Variants in BRIP1 observed in about 807,000 individuals in gnomAD.
BRIP1 encodes the protein Fanconi anemia group J protein.
In BRIP1, 88 loss-of-function variants were observed where a neutral mutation model predicts 119.7. The observed-to-expected ratio is 0.74, with a 90% confidence interval of 0.62 to 0.88. The LOEUF (loss-of-function observed/expected upper bound fraction) is 0.88. BRIP1 is among the 40% of genes least tolerant of loss of function. BRIP1 has a pLI of 0.00. For synonymous variants in BRIP1, 443 were observed against 496.5 expected (o/e 0.89, Z 1.43); for missense variants, 1,259 against 1,455.4 (o/e 0.87, Z 2.20).
rs891459831 is a variant in BRIP1, at chr17:61,845,973, A to G, written c.627+1128T>C. ...CAAGGTGGGCGGATCACGAGGTCAG[A>G]AGATCGAGACCATCCTGGCTAACGT... On this transcript the variant is annotated intron_variant, in intron 6 of 19. Coordinates refer to ENST00000259008, the MANE Select transcript of BRIP1 (RefSeq NM_032043.3). The surrounding 1 kb of genome is among the most constrained non-coding windows in gnomAD (Gnocchi z 4.2). Among the ~76,000 whole-genome samples the G allele has an allele frequency of 3.3e-5, 5 of 151,990 alleles. No individual in the cohort carries two copies. Among genetic ancestry groups the G allele is most frequent in the African/African-American group, 9.7e-5 (4 of 41,394 alleles).
rs531656835 is a variant in BRIP1, at chr17:61,683,012, GT to G, written c.*283del. The G allele has an allele frequency of 2.5e-3, 982 of 387,576 alleles. 4 individuals are homozygous for G. Among genetic ancestry groups the G allele is most frequent in the African/African-American group, 0.019 (920 of 48,296 alleles). 24.0% of individuals were successfully genotyped at this position (387,576 alleles called of 1,614,324 possible). On this transcript the variant is annotated 3_prime_UTR_variant, in exon 20 of 20. Coordinates refer to ENST00000259008, the MANE Select transcript of BRIP1 (RefSeq NM_032043.3). The surrounding 1 kb of genome is among the most constrained non-coding windows in gnomAD (Gnocchi z 4.7). ...CTGGGCATGGTGGTGCACACCTGTA[GT>G]CCCAGCTACTCAGAAGGCTGAGGCA...
chr17:61,787,702 T>TG (rs1158826303), intron 10 of BRIP1, among the ~76,000 whole-genome samples: 1 of 152,078 alleles, frequency 6.6e-6, no homozygotes, highest in African/African-American at 2.4e-5. Flanking sequence ...TGGACTGCAG[T>TG]GGCGCGATTT....
At position 61,699,958 on chromosome 17, in the gene BRIP1, T is replaced by C. The variant is rs1422033185; in HGVS notation, c.2493-6446A>G. On this transcript the variant is annotated intron_variant, in intron 17 of 19. Coordinates refer to ENST00000259008, the MANE Select transcript of BRIP1 (RefSeq NM_032043.3). This position sits in a 1 kb window ranked among gnomAD's most constrained non-coding sequence, Gnocchi z 4.8. ...CTCGGGGAAGTGTGTCCTGTGTAAC[T>C]GCACTGGGAGAGGACACTTGGAAGC... Among the ~76,000 whole-genome samples the C allele has an allele frequency of 6.6e-6, 1 of 152,170 alleles. No individual in the cohort carries two copies. The highest frequency in any genetic ancestry group is 1.5e-5 in the Non-Finnish European group (1 of 68,016).
Position 61,770,034 on chromosome 17 carries a change from G to A in BRIP1, c.2097+6367C>T, listed in dbSNP as rs977311010. ...GAAAAAAACAACCATTTTGAAATAC[G>A]TTCAACGCATTCTCTAAAACAATGG... is the stretch of plus-strand genomic sequence containing the variant. On this transcript the variant is annotated intron_variant, in intron 14 of 19. Coordinates refer to ENST00000259008, the MANE Select transcript of BRIP1 (RefSeq NM_032043.3). This position sits in a 1 kb window ranked among gnomAD's most constrained non-coding sequence, Gnocchi z 4.7. 5.3e-5 allele frequency among the ~76,000 whole-genome samples: 8 copies of A among 152,142 alleles called. No homozygotes were observed. Among genetic ancestry groups the A allele is most frequent in the African/African-American group, 9.7e-5 (4 of 41,438 alleles).
chr17:61,840,334 G>A (rs1254665753), intron 6 of BRIP1, among the ~76,000 whole-genome samples: 1 of 140,718 alleles, frequency 7.1e-6, no homozygotes, highest in Non-Finnish European at 1.5e-5. Flanking sequence ...TCCATCCTGG[G>A]TGACAGGGGA....
Position 61,798,765 on chromosome 17 carries a change from C to T in BRIP1, c.1340+335G>A, listed in dbSNP as rs2077940073. Among the ~76,000 whole-genome samples the T allele has an allele frequency of 6.6e-6, 1 of 151,988 alleles. No individual in the cohort carries two copies. The highest frequency in any genetic ancestry group is 2.4e-5 in the African/African-American group (1 of 41,406). ...GGAGAATAAAGCAATAAATTAAAGCCATGATCCAGAATTTTAAAATATATT... is the reference window on the plus strand; with the variant it reads ...GGAGAATAAAGCAATAAATTAAAGCTATGATCCAGAATTTTAAAATATATT... On this transcript the variant is annotated intron_variant, in intron 9 of 19. Transcript: ENST00000259008. The surrounding 1 kb of genome is among the most constrained non-coding windows in gnomAD (Gnocchi z 5.5).
chr17:61,814,925 C>T lies in BRIP1; in HGVS notation c.628-6168G>A, dbSNP rs907573392. Among the ~76,000 whole-genome samples, 1 of 151,730 alleles carries T rather than the reference C, an allele frequency of 6.6e-6. No homozygotes were observed. Among genetic ancestry groups the T allele is most frequent in the African/African-American group, 2.4e-5 (1 of 41,334 alleles). ...ATGCATCGACATCGATAAACATGAA[C>T]AAGCAGTTGAACAGGCTGAGTATGG... On this transcript the variant is annotated intron_variant, in intron 6 of 19. Transcript: ENST00000259008. This position sits in a 1 kb window ranked among gnomAD's most constrained non-coding sequence, Gnocchi z 4.9.
Position 61,806,376 on chromosome 17 carries a change from C to T in BRIP1, c.918+2091G>A, listed in dbSNP as rs531781644. 1.1e-4 allele frequency among the ~76,000 whole-genome samples: 17 copies of T among 152,156 alleles called. No homozygotes were observed. The highest frequency in any genetic ancestry group is 3.4e-4 in the African/African-American group (14 of 41,530). ...AAGAAAGAGGATGTTCATGTATGCC[C>T]GTGAGGTAAGCATTCTGAGGCAGAA... On this transcript the variant is annotated intron_variant, in intron 7 of 19. Transcript: ENST00000259008. The surrounding 1 kb of genome is among the most constrained non-coding windows in gnomAD (Gnocchi z 4.9).
chr17:61,854,957 T>C (rs1203693811), intron 4 of BRIP1, among the ~76,000 whole-genome samples: 1 of 152,092 alleles, frequency 6.6e-6, no homozygotes, highest in Non-Finnish European at 1.5e-5. Flanking sequence ...TATTAATACA[T>C]GCAACAACAT....
intron 16 of BRIP1, among the ~76,000 whole-genome samples, chr17:61,732,427 G>A (rs1006267508): frequency 6.6e-6 from 1 of 152,030 alleles, no homozygotes; most frequent in African/African-American, 2.4e-5. Context: ...TCCCTTTTAG[G>A]CAAGTTAGTC....
intron 6 of BRIP1, among the ~76,000 whole-genome samples, chr17:61,838,413 A>G (rs1303183535): frequency 6.6e-6 from 1 of 151,702 alleles, no homozygotes. Flanking sequence ...GGGTGTGGTG[A>G]CGGGCGCCTG....
Position 61,684,189 on chromosome 17 carries a change from A to G in BRIP1, c.2906-49T>C, listed in dbSNP as rs954577506. On this transcript the variant is annotated intron_variant, in intron 19 of 19. Coordinates refer to ENST00000259008, the MANE Select transcript of BRIP1 (RefSeq NM_032043.3). This position sits in a 1 kb window ranked among gnomAD's most constrained non-coding sequence, Gnocchi z 4.5. ...ATTTAACTTTCTGCTCCTAGCTAAC[A>G]TAATTGCTAGGTTAAAATAATTATT... 3.2e-6 allele frequency: 5 copies of G among 1,585,232 alleles called. No homozygotes were observed. The highest frequency in any genetic ancestry group is 2.3e-5 in the South Asian group (2 of 88,512).
rs2061723044 is a variant in BRIP1 at position 61,708,230 on chromosome 17, A to G, written c.2492+7721T>C. ...GTTACTCACGGTCAAATGTAGTCCA[A>G]AAATATTAAATGGAAAATTCCAGAA... On this transcript the variant is annotated intron_variant, in intron 17 of 19. Transcript: ENST00000259008. This position sits in a 1 kb window ranked among gnomAD's most constrained non-coding sequence, Gnocchi z 4.4. Among the ~76,000 whole-genome samples, 1 of 151,948 alleles carries G rather than the reference A, an allele frequency of 6.6e-6. No individual in the cohort carries two copies. Among genetic ancestry groups the G allele is most frequent in the Admixed American group, 6.6e-5 (1 of 15,230 alleles).
At chr17:61,854,395 T>C (rs186646202) in intron 4 of BRIP1, among the ~76,000 whole-genome samples, 9 of 152,168 alleles carry the variant, frequency 5.9e-5, no homozygotes, top group Admixed American at 2.0e-4. Flanking sequence ...GACCACTTCA[T>C]GAAACAGTTT....
At chr17:61,850,750 C>G (rs527837757) in intron 4 of BRIP1, among the ~76,000 whole-genome samples, 85 of 151,896 alleles carry the variant, frequency 5.6e-4, no homozygotes, top group African/African-American at 2.0e-3. Context: ...ATCTCTTGAA[C>G]CTGGGAGGCA....
In BRIP1 at chr17:61,808,404, A is replaced by T. The variant is rs2145408668; in HGVS notation, c.918+63T>A. ...TCACTAAAATGTACATATAAAACAC[A>T]TACTGAGTAATTTAAATATTTTCAG... On this transcript the variant is annotated intron_variant, in intron 7 of 19. Transcript: ENST00000259008. This position sits in a 1 kb window ranked among gnomAD's most constrained non-coding sequence, Gnocchi z 4.1. 1 of 1,490,986 alleles carries T rather than the reference A, an allele frequency of 6.7e-7. No individual in the cohort carries two copies. The allele number at this position is 1,490,986 out of a possible 1,614,324, so 92.4% of individuals were successfully genotyped here.
chr17:61,691,757 A>G lies in BRIP1; in HGVS notation c.2575+1673T>C, dbSNP rs1297541049. 6.6e-6 allele frequency among the ~76,000 whole-genome samples: 1 copy of G among 152,130 alleles called. No homozygotes were observed. The highest frequency in any genetic ancestry group is 1.5e-5 in the Non-Finnish European group (1 of 68,002). On this transcript the variant is annotated intron_variant, in intron 18 of 19. Transcript: ENST00000259008. The surrounding 1 kb of genome is among the most constrained non-coding windows in gnomAD (Gnocchi z 5.0). ...GCGTGAGCCACCATGCCCGGCTGCA[A>G]TCTAAATTCATATGGAACCACAAAG...
intron 14 of BRIP1, among the ~76,000 whole-genome samples, chr17:61,772,160 TA>T (rs2144973350): frequency 4.0e-3 from 4 of 1,008 alleles, no homozygotes; most frequent in Admixed American, 9.4e-3. Flanking sequence ...TGTGAGATTA[TA>T]TATATATATA....
intron 16 of BRIP1, among the ~76,000 whole-genome samples, chr17:61,719,186 C>CA (rs1013924261): frequency 2.0e-5 from 3 of 148,514 alleles, no homozygotes; most frequent in Non-Finnish European, 4.5e-5. Flanking sequence ...GCCCCCCCCC[C>CA]ATGTTTATTG....
Sources: gnomAD v4.1 joint callset for allele counts (sites outside exome capture counted in the v4.1 genomes callset) on GRCh38, gnomAD v4.1.1 for gene constraint, Gnocchi (gnomAD v3.1) non-coding constraint, MANE v1.5 for transcripts, NCBI Gene and HGNC (gene_info 2026-07-23, HGNC 2026-07-21) for gene names.